Variants in SPTB observed in about 807,000 individuals in gnomAD.
SPTB encodes the protein spectrin beta, erythrocytic.
A neutral mutation model predicts 256.2 loss-of-function variants in SPTB; 45 were observed. The ratio of observed to expected loss-of-function variants is 0.18; its 90% CI spans 0.14 to 0.23. The LOEUF (loss-of-function observed/expected upper bound fraction) is 0.23. SPTB is among the 10% of genes least tolerant of loss of function. SPTB has a pLI of 1.00. For synonymous variants in SPTB, 1,231 were observed against 1,243.1 expected (o/e 0.99, Z 0.21); for missense variants, 2,715 against 3,040.4 (o/e 0.89, Z 2.52).
At chr14:64,837,366 T>C (rs1343837656) in intron 1 of SPTB, among the ~76,000 whole-genome samples, 1 of 152,180 alleles carries the variant, frequency 6.6e-6, no homozygotes, top group Non-Finnish European at 1.5e-5. Flanking sequence ...AACAGCACCC[T>C]ACAGCCTATT....
rs764168714 is a variant in SPTB, at chr14:64,772,553, A to G, written c.5553+27T>C. 12 of 1,600,426 alleles carry G rather than the reference A, an allele frequency of 7.5e-6. No homozygotes were observed. The Admixed American group carries it at 1.0e-4, about 13-fold the overall frequency. Reference sequence around the variant, plus strand: ...CCCAGGGCTCCTGGAAATTGGTAGCAGGTGGGCGGCAGGGGGCTGAAGGTA... The same window carrying G: ...CCCAGGGCTCCTGGAAATTGGTAGCGGGTGGGCGGCAGGGGGCTGAAGGTA... On this transcript the variant is annotated intron_variant, in intron 26 of 35. Transcript: ENST00000644917. This position sits in a 1 kb window ranked among gnomAD's most constrained non-coding sequence, Gnocchi z 5.4.
intron 2 of SPTB, among the ~76,000 whole-genome samples, chr14:64,810,896 A>G (rs1446871386): frequency 4.6e-5 from 7 of 152,232 alleles, no homozygotes; most frequent in African/African-American, 1.7e-4. Flanking sequence ...TAGGAGGATC[A>G]CTTGAGGCCA....
At chr14:64,830,868 G>A (rs969569867) in intron 1 of SPTB, among the ~76,000 whole-genome samples, 1 of 152,154 alleles carries the variant, frequency 6.6e-6, no homozygotes, top group Non-Finnish European at 1.5e-5. Flanking sequence ...CCACCATGGT[G>A]TCATGTGCCT....
At chr14:64,848,731 T>C (rs776865471) in intron 1 of SPTB, among the ~76,000 whole-genome samples, 5 of 152,250 alleles carry the variant, frequency 3.3e-5, no homozygotes, top group Non-Finnish European at 7.3e-5. Context: ...AAGGTAGCTT[T>C]TGGTTTAATT....
intron 10 of SPTB, 81 bp downstream of exon 10, chr14:64,797,648 T>C (rs2082801858): frequency 2.3e-5 from 26 of 1,140,086 alleles, no homozygotes; most frequent in Non-Finnish European, 3.3e-5. Context: ...TGGTTTAATC[T>C]GGTCCAATGA....
rs571152522 is a variant in SPTB, at chr14:64,806,445, C to G, written c.149-1355G>C. 6.6e-6 allele frequency among the ~76,000 whole-genome samples: 1 copy of G among 152,168 alleles called. No individual in the cohort carries two copies. The highest frequency in any genetic ancestry group is 1.5e-5 in the Non-Finnish European group (1 of 68,016). On this transcript the variant is annotated intron_variant, in intron 2 of 35. Coordinates refer to ENST00000644917, the MANE Select transcript of SPTB (RefSeq NM_001355436.2). This position sits in a 1 kb window ranked among gnomAD's most constrained non-coding sequence, Gnocchi z 4.1. ...TAGCCAGGAGCGGGGTCTGCCCGGTCGGAGCAGGCTGTGTGCTCGACTGAG... is the reference window on the plus strand; with the variant it reads ...TAGCCAGGAGCGGGGTCTGCCCGGTGGGAGCAGGCTGTGTGCTCGACTGAG...
At chr14:64,869,081 C>G (rs1051931727) in intron 1 of SPTB, among the ~76,000 whole-genome samples, 2 of 151,694 alleles carry the variant, frequency 1.3e-5, no homozygotes, top group African/African-American at 4.8e-5. Flanking sequence ...GGCTTCCACC[C>G]CAATATGAGC....
chr14:64,863,992 C>T (rs181994048), intron 1 of SPTB, among the ~76,000 whole-genome samples: 124 of 152,274 alleles, frequency 8.1e-4, no homozygotes, highest in African/African-American at 2.8e-3. Context: ...TGGCATATGA[C>T]AGGGGCCCAT....
In SPTB at chr14:64,827,491, G is replaced by A. The variant is rs759741028; in HGVS notation, c.-51-4346C>T. Among the ~76,000 whole-genome samples, 4 of 152,068 alleles carry A rather than the reference G, an allele frequency of 2.6e-5. No individual in the cohort carries two copies. The highest frequency in any genetic ancestry group is 5.9e-5 in the Non-Finnish European group (4 of 68,032). The stretch of plus-strand genomic sequence containing the variant: ...TGCCCCTTTATGCTACCTCAAACCT[G>A]CTTTTAACAATTTGGTATTGTGGCA... On this transcript the variant is annotated intron_variant, in intron 1 of 35. Transcript: ENST00000644917. This position sits in a 1 kb window ranked among gnomAD's most constrained non-coding sequence, Gnocchi z 4.6.
In SPTB at chr14:64,786,861, C is replaced by T. The variant is rs148507591; in HGVS notation, c.3104G>A (p.Arg1035Gln). The change falls in exon 16 of 36, where the codon CGG becomes CAG. Residue 1035 changes from arginine (R) to glutamine (Q), a missense_variant. By Grantham distance (43) the Arg-to-Gln change is conservative. Around this residue, in one of 4 missense-constraint regions of SPTB, gnomAD observed 2,239 missense variants for 2,384.4 expected, o/e 0.94. Coordinates refer to ENST00000644917, the MANE Select transcript of SPTB (RefSeq NM_001355436.2). This position sits in a 1 kb window ranked among gnomAD's most constrained non-coding sequence, Gnocchi z 5.6. Reference sequence around the variant, plus strand: ...CCACAGCTCCTCCAAGTGTTTTTGCCGCTGACCAATATCCTCCTTCTGCTC... The same window carrying T: ...CCACAGCTCCTCCAAGTGTTTTTGCTGCTGACCAATATCCTCCTTCTGCTC... ...HPEQKEDIGQ[R>Q]QKHLEELWQG... 16 of 1,613,066 alleles carry T rather than the reference C, an allele frequency of 9.9e-6. No individual in the cohort carries two copies. The African/African-American group carries it at 1.1e-4, about 11-fold the overall frequency.
At position 64,866,794 on chromosome 14, in the gene SPTB, A is replaced by G. The variant is rs1321506896; in HGVS notation, c.-52+12998T>C. The stretch of plus-strand genomic sequence containing the variant: ...ATATTACAAGGTAGTTCCTACTTTG[A>G]CATGCCTTAAGGACAAACAATAAAC... On this transcript the variant is annotated intron_variant, in intron 1 of 35. Transcript: ENST00000644917. The surrounding 1 kb of genome is among the most constrained non-coding windows in gnomAD (Gnocchi z 4.6). 1.3e-5 allele frequency among the ~76,000 whole-genome samples: 2 copies of G among 152,230 alleles called. No homozygotes were observed. The highest frequency in any genetic ancestry group is 2.9e-5 in the Non-Finnish European group (2 of 68,036).
rs1321854089 is a variant in SPTB at position 64,759,310 on chromosome 14, AG to A, written c.6346-5518del. 6.6e-6 allele frequency among the ~76,000 whole-genome samples: 1 copy of A among 152,224 alleles called. No homozygotes were observed. Among genetic ancestry groups the A allele is most frequent in the African/African-American group, 2.4e-5 (1 of 41,454 alleles). On this transcript the variant is annotated intron_variant, in intron 32 of 35. Coordinates refer to ENST00000644917, the MANE Select transcript of SPTB (RefSeq NM_001355436.2). This position sits in a 1 kb window ranked among gnomAD's most constrained non-coding sequence, Gnocchi z 4.8. ...CATGACCCCCTGGCTGCGAACCTGCAGTGGGAGGCCTGTGGCCCTGTTGGAT... is the reference window on the plus strand; with the variant it reads ...CATGACCCCCTGGCTGCGAACCTGCATGGGAGGCCTGTGGCCCTGTTGGAT...
chr14:64,837,588 C>A (rs1196481363), intron 1 of SPTB, among the ~76,000 whole-genome samples: 8 of 152,104 alleles, frequency 5.3e-5, no homozygotes, highest in Non-Finnish European at 1.2e-4. Flanking sequence ...AATCAACAAG[C>A]TGATTTATTT....
intron 4 of SPTB, among the ~76,000 whole-genome samples, chr14:64,803,348 C>T (rs1403084873): frequency 6.6e-6 from 1 of 152,166 alleles, no homozygotes; most frequent in African/African-American, 2.4e-5. Flanking sequence ...AGCCAGATAT[C>T]AACCCAGCTA....
At chr14:64,750,995 T>TAA (rs2081939795) in intron 33 of SPTB, among the ~76,000 whole-genome samples, 1 of 145,284 alleles carries the variant, frequency 6.9e-6, no homozygotes, top group South Asian at 2.1e-4. Flanking sequence ...ACATTATATA[T>TAA]AATACATTAT....
At chr14:64,830,875 G>A (rs1206299802) in intron 1 of SPTB, among the ~76,000 whole-genome samples, 4 of 152,126 alleles carry the variant, frequency 2.6e-5, no homozygotes, top group Non-Finnish European at 5.9e-5. Flanking sequence ...GGTGTCATGT[G>A]CCTTGACAAC....
At chr14:64,791,038 T>C (rs2082660593) in intron 15 of SPTB, among the ~76,000 whole-genome samples, 1 of 152,192 alleles carries the variant, frequency 6.6e-6, no homozygotes, top group Admixed American at 6.5e-5. Context: ...AAAGCAATTT[T>C]CTCTGCCCAA....
chr14:64,777,553 T>C lies in SPTB; in HGVS notation c.4563+1604A>G, dbSNP rs1303883189. On this transcript the variant is annotated intron_variant, in intron 22 of 35. Coordinates refer to ENST00000644917, the MANE Select transcript of SPTB (RefSeq NM_001355436.2). The surrounding 1 kb of genome is among the most constrained non-coding windows in gnomAD (Gnocchi z 4.5). ...CAATGAATAGCCCTGGGAACAGTGG[T>C]CCCCAAAGTGCAGTCCTGAACCAGC... Among the ~76,000 whole-genome samples the C allele has an allele frequency of 2.0e-5, 3 of 152,044 alleles. No individual in the cohort carries two copies. Among genetic ancestry groups the C allele is most frequent in the African/African-American group, 2.4e-5 (1 of 41,376 alleles).
rs1308471547 is a variant in SPTB at position 64,784,284 on chromosome 14, A to C, written c.3965T>G (p.Leu1322Arg). Reference sequence around the variant, plus strand: ...CTCTAGCCACCCTTCATGGGAAGCCAGCTCTGCCACAAACGCCTGGTGCTT... The same window carrying C: ...CTCTAGCCACCCTTCATGGGAAGCCCGCTCTGCCACAAACGCCTGGTGCTT... ...WLKHQAFVAE[L>R]ASHEGWLENI... is the part of the protein sequence containing the mutation. The change falls in exon 19 of 36, where the codon CTG becomes CGG. Residue 1322 changes from leucine (L) to arginine (R), a missense_variant. Around this residue, in one of 4 missense-constraint regions of SPTB, gnomAD observed 2,239 missense variants for 2,384.4 expected, o/e 0.94. Coordinates refer to ENST00000644917, the MANE Select transcript of SPTB (RefSeq NM_001355436.2). The C allele has an allele frequency of 6.2e-7, 1 of 1,614,244 alleles. No individual in the cohort carries two copies. The highest frequency in any genetic ancestry group is 1.3e-5 in the African/African-American group (1 of 75,060).
Sources: allele counts gnomAD v4.1 joint callset (sites outside exome capture counted in the v4.1 genomes callset), GRCh38; gene constraint gnomAD v4.1.1; regional missense constraint gnomAD v4.1.1; non-coding constraint Gnocchi (gnomAD v3.1); transcripts MANE v1.5; gene names NCBI Gene and HGNC (gene_info 2026-07-23, HGNC 2026-07-21).